PDE4D: variants seen among roughly 807,000 people sequenced by gnomAD.
PDE4D encodes phosphodiesterase 4D, also known as 3',5'-cyclic-AMP phosphodiesterase 4D.
PDE4D carries 24 observed loss-of-function variants against 87.4 expected under a neutral mutation model. That is an observed-to-expected ratio of 0.27 (90% CI 0.20 to 0.39). The LOEUF (loss-of-function observed/expected upper bound fraction) is 0.39. Among genes scored for constraint, PDE4D ranks in the 10% least tolerant of loss-of-function variants. The pLI is 1.00. For missense variants in PDE4D, 714 were observed against 1,041.0 expected (o/e 0.69, Z 4.32); for synonymous variants, 384 against 383.2 (o/e 1.00, Z -0.02).
At chr5:60,204,331 G>A (rs186257815) in intron 1 of PDE4D, among the ~76,000 whole-genome samples, 29 of 152,014 alleles carry the variant, frequency 1.9e-4, no homozygotes, top group Non-Finnish European at 3.4e-4. Flanking sequence ...TTTTCACAAG[G>A]GTTGAAACCT....
intron 1 of PDE4D, among the ~76,000 whole-genome samples, chr5:59,865,455 G>A (rs929689118): frequency 6.6e-6 from 1 of 152,106 alleles, no homozygotes; most frequent in African/African-American, 2.4e-5. Context: ...GTTTCTTCTG[G>A]TGGTTTACTC....
intron 1 of PDE4D, among the ~76,000 whole-genome samples, chr5:60,290,929 GC>G (rs1431447732): frequency 6.6e-6 from 1 of 152,164 alleles, no homozygotes; most frequent in East Asian, 1.9e-4. Context: ...AGGGTCACAA[GC>G]CAATAATACA....
chr5:59,887,932 A>G (rs771889119), intron 1 of PDE4D, among the ~76,000 whole-genome samples: 2 of 152,222 alleles, frequency 1.3e-5, no homozygotes, highest in Non-Finnish European at 1.5e-5. Context: ...GATGGCCACA[A>G]TGTGTAAAAT....
At chr5:59,633,021 C>G (rs1236646945) in intron 1 of PDE4D, among the ~76,000 whole-genome samples, 1 of 151,994 alleles carries the variant, frequency 6.6e-6, no homozygotes. Flanking sequence ...ACTAGAATAA[C>G]CAGTTTAGAG....
chr5:60,196,325 C>A (rs952225239), intron 1 of PDE4D, among the ~76,000 whole-genome samples: 1 of 151,650 alleles, frequency 6.6e-6, no homozygotes, highest in Non-Finnish European at 1.5e-5. Context: ...TAAAACACAA[C>A]TCTCCACCCT....
intron 2 of PDE4D, among the ~76,000 whole-genome samples, chr5:60,030,427 G>A (rs917617331): frequency 1.3e-5 from 2 of 152,096 alleles, no homozygotes; most frequent in African/African-American, 2.4e-5. Context: ...TCCGCAGTCC[G>A]GCCTGGGCGA....
chr5:60,379,444 A>G (rs919051902), intron 1 of PDE4D, among the ~76,000 whole-genome samples: 3 of 152,202 alleles, frequency 2.0e-5, no homozygotes, highest in Non-Finnish European at 4.4e-5. Flanking sequence ...CAAAAAGGAC[A>G]TGGTCCACAG....
chr5:59,726,832 T>C (rs1756667545), intron 1 of PDE4D, among the ~76,000 whole-genome samples: 1 of 152,126 alleles, frequency 6.6e-6, no homozygotes, highest in Admixed American at 6.6e-5. Context: ...TACATATATG[T>C]AAACTATATT....
At chr5:60,503,768 G>A (rs1227466933) in intron 1 of PDE4D, among the ~76,000 whole-genome samples, 1 of 152,116 alleles carries the variant, frequency 6.6e-6, no homozygotes. Context: ...CAGAGTTGAA[G>A]ATCATTCTGT....
In PDE4D at chr5:60,442,503, C is replaced by T. The variant is rs115840710; in HGVS notation, c.-90+45439G>A. Among the ~76,000 whole-genome samples the T allele has an allele frequency of 8.8e-3, 1,344 of 152,106 alleles. 18 individuals are homozygous for T. The highest frequency in any genetic ancestry group is 0.031 in the African/African-American group (1,270 of 41,504). On this transcript the variant is annotated intron_variant, in intron 1 of 16. Coordinates refer to the PDE4D transcript ENST00000502484. ...TAATGTAGATGACGGTTGATAGGTG[C>T]AGCAAACCACCACAACACGTGTATA...
chr5:59,834,587 A>T (rs1452272383), intron 1 of PDE4D, among the ~76,000 whole-genome samples: 3 of 152,078 alleles, frequency 2.0e-5, no homozygotes, highest in Non-Finnish European at 4.4e-5. Flanking sequence ...GTGGATAATT[A>T]TCCTTTGTAA....
chr5:60,200,738 T>A (rs1367088980), intron 1 of PDE4D, among the ~76,000 whole-genome samples: 2 of 152,134 alleles, frequency 1.3e-5, no homozygotes, highest in Non-Finnish European at 2.9e-5. Context: ...TGCCATCAAT[T>A]TAGGGAATTT....
At chr5:59,885,267 A>C (rs1010083640) in intron 1 of PDE4D, among the ~76,000 whole-genome samples, 2 of 152,140 alleles carry the variant, frequency 1.3e-5, no homozygotes, top group African/African-American at 4.8e-5. Context: ...AAGGAAAAAC[A>C]GTCTTTTTAT....
chr5:59,333,558 C>G (rs1000426738), intron 1 of PDE4D, among the ~76,000 whole-genome samples: 2 of 152,154 alleles, frequency 1.3e-5, no homozygotes, highest in Non-Finnish European at 2.9e-5. Context: ...CCATTCATTT[C>G]CAACAGAAAT....
chr5:59,384,769 G>GTT (rs11447636), intron 1 of PDE4D, among the ~76,000 whole-genome samples: 1 of 150,120 alleles, frequency 6.7e-6, no homozygotes, highest in Non-Finnish European at 1.5e-5. Context: ...CTTATACTGG[G>GTT]TTTTTTTTTC....
At position 59,566,581 on chromosome 5, in the gene PDE4D, T is replaced by TGAGA. The variant is rs1259091113; in HGVS notation, c.455+326586_455+326587insTCTC. 3.6e-4 allele frequency among the ~76,000 whole-genome samples: 52 copies of TGAGA among 145,380 alleles called. 1 individual carries two copies. The highest frequency in any genetic ancestry group is 1.7e-3 in the South Asian group (8 of 4,650). On this transcript the variant is annotated intron_variant, in intron 1 of 14. Transcript: ENST00000340635. ...GTGTGTGTGTGTGTGTGTGTGTGTG[T>TGAGA]GTGAGAGAATGAGAGAGAGAGAGAA...
chr5:60,055,394 C>T (rs1257030813), intron 2 of PDE4D, among the ~76,000 whole-genome samples: 1 of 151,928 alleles, frequency 6.6e-6, no homozygotes, highest in Non-Finnish European at 1.5e-5. Context: ...TTAATTTCCT[C>T]ATACCTTTCT....
intron 1 of PDE4D, among the ~76,000 whole-genome samples, chr5:59,509,339 A>G (rs138665404): frequency 1.3e-3 from 195 of 151,776 alleles, no homozygotes; most frequent in Non-Finnish European, 2.4e-3. Context: ...AGAAAACCAC[A>G]CATGAAGAGA....
intron 1 of PDE4D, among the ~76,000 whole-genome samples, chr5:60,514,200 G>A (rs1750695819): frequency 6.6e-6 from 1 of 151,916 alleles, no homozygotes. Flanking sequence ...ATTATATTCT[G>A]AGTAACCTTA....
Sources: gnomAD v4.1 joint callset for allele counts (sites outside exome capture counted in the v4.1 genomes callset) on GRCh38, gnomAD v4.1.1 for gene constraint, MANE v1.5 for transcripts, NCBI Gene and HGNC (gene_info 2026-07-23, HGNC 2026-07-21) for gene names.